Variants in PTPRG observed in about 807,000 individuals in gnomAD.
PTPRG encodes receptor-type tyrosine-protein phosphatase gamma.
PTPRG carries 102 observed loss-of-function variants against 165.3 expected under a neutral mutation model. The ratio of observed to expected loss-of-function variants is 0.62; its 90% CI spans 0.53 to 0.73. PTPRG has a LOEUF of 0.73. Ranked by LOEUF, PTPRG falls within the 30% of genes least tolerant of loss-of-function variation. PTPRG has a pLI of 0.00. For missense variants in PTPRG, 1,866 were observed against 1,861.4 expected, an observed-to-expected ratio of 1.00 and a Z score of -0.05; for synonymous variants, 675 against 669.5, an observed-to-expected ratio of 1.01 and a Z score of -0.13.
chr3:62,259,775 G>A (rs1409385289), intron 16 of PTPRG, among the ~76,000 whole-genome samples: 1 of 152,148 alleles, frequency 6.6e-6, no homozygotes, highest in Non-Finnish European at 1.5e-5. Context: ...CAGTCATTTT[G>A]ATAAAGATAC....
intron 13 of PTPRG, among the ~76,000 whole-genome samples, chr3:62,227,945 C>T (rs1216846429): frequency 5.9e-5 from 9 of 152,190 alleles, no homozygotes; most frequent in Non-Finnish European, 1.0e-4. Flanking sequence ...GCAATGTGTT[C>T]TCAGATTCCC....
chr3:61,717,103 A>G (rs961434810), intron 1 of PTPRG, among the ~76,000 whole-genome samples: 4 of 152,238 alleles, frequency 2.6e-5, no homozygotes, highest in African/African-American at 9.6e-5. Context: ...TAATTGTTAT[A>G]TAGCTGTTTC....
chr3:62,120,141 C>T (rs1703011434), intron 5 of PTPRG, among the ~76,000 whole-genome samples: 1 of 151,806 alleles, frequency 6.6e-6, no homozygotes, highest in South Asian at 2.1e-4. Context: ...CAGTGGGCAG[C>T]CAGGGTAAAA....
chr3:61,933,698 C>T (rs965087097), intron 2 of PTPRG, among the ~76,000 whole-genome samples: 32 of 152,174 alleles, frequency 2.1e-4, no homozygotes, highest in African/African-American at 7.0e-4. Flanking sequence ...TTCCACTGCT[C>T]TCTAGTCCCA....
intron 2 of PTPRG, among the ~76,000 whole-genome samples, chr3:61,973,226 G>A (rs1364158697): frequency 6.6e-6 from 1 of 152,158 alleles, no homozygotes; most frequent in African/African-American, 2.4e-5. Flanking sequence ...AGTTTTACCT[G>A]CAAGGAAAGG....
intron 1 of PTPRG, among the ~76,000 whole-genome samples, chr3:61,738,945 T>G (rs779390185): frequency 6.6e-6 from 1 of 150,666 alleles, no homozygotes; most frequent in Admixed American, 6.6e-5. Context: ...TTTTTATTTT[T>G]GTAGAGATGG....
intron 2 of PTPRG, among the ~76,000 whole-genome samples, chr3:61,911,828 A>G (rs1349484373): frequency 6.6e-6 from 1 of 152,216 alleles, no homozygotes. Flanking sequence ...CATTGCCAGC[A>G]GTGTGTACCT....
chr3:62,110,161 T>C (rs1702619479), intron 5 of PTPRG, among the ~76,000 whole-genome samples: 1 of 148,574 alleles, frequency 6.7e-6, no homozygotes, highest in South Asian at 2.1e-4. Context: ...CCATTTTTGG[T>C]AGTTACCTAT....
At chr3:62,064,857 C>T (rs749685368) in intron 4 of PTPRG, among the ~76,000 whole-genome samples, 16 of 151,190 alleles carry the variant, frequency 1.1e-4, no homozygotes, top group Non-Finnish European at 1.5e-4. Context: ...CTCGGCCTCC[C>T]GAGTAGCGTG....
intron 5 of PTPRG, among the ~76,000 whole-genome samples, chr3:62,119,420 G>A (rs1394671223): frequency 1.3e-5 from 2 of 152,168 alleles, no homozygotes; most frequent in African/African-American, 2.4e-5. Context: ...AGGAATGAGC[G>A]GCCTAATCAG....
At chr3:61,768,121 A>G (rs185260376) in intron 2 of PTPRG, among the ~76,000 whole-genome samples, 5 of 152,332 alleles carry the variant, frequency 3.3e-5, no homozygotes, top group African/African-American at 1.2e-4. Flanking sequence ...ACTAGTCATA[A>G]ATGCAGTTAC....
rs761765590 is a variant in PTPRG at position 62,262,868 on chromosome 3, A to C, written c.2630A>C (p.Lys877Thr). 1 of 1,613,356 alleles carries C rather than the reference A, an allele frequency of 6.2e-7. No homozygotes were observed. The highest frequency in any genetic ancestry group is 8.5e-7 in the Non-Finnish European group (1 of 1,179,294). ...TCCAATCATCCAGAAAACAAGCACAAAAACAGATACATCAACATTTTAGCA... is the reference window on the plus strand; with the variant it reads ...TCCAATCATCCAGAAAACAAGCACACAAACAGATACATCAACATTTTAGCA... ...EHSNHPENKH[K>T]NRYINILAYD... The change falls in exon 17 of 30, where the codon AAA becomes ACA. Residue 877 changes from lysine (K) to threonine (T), a missense_variant. Physicochemically the swap from Lys to Thr is moderately conservative, Grantham distance 78 (BLOSUM62 -1). Coordinates refer to ENST00000474889, the MANE Select transcript of PTPRG (RefSeq NM_002841.4).
rs77962510 is a variant in PTPRG, at chr3:62,079,114, C to T, written c.615+856C>T. ...AAAGACATAAGAGCCTTCTCCAACA[C>T]GTCTTTGACATCTGCCTTTTTGAGC... On this transcript the variant is annotated intron_variant, in intron 5 of 29. Coordinates refer to ENST00000474889, the MANE Select transcript of PTPRG (RefSeq NM_002841.4). Among the ~76,000 whole-genome samples, 3,679 of 152,350 alleles carry T rather than the reference C, an allele frequency of 0.024. 259 individuals carry two copies. The East Asian group carries it at 0.28, about 11-fold the overall frequency.
intron 5 of PTPRG, among the ~76,000 whole-genome samples, chr3:62,130,480 G>A (rs1226367781): frequency 6.6e-6 from 1 of 152,186 alleles, no homozygotes; most frequent in Non-Finnish European, 1.5e-5. Context: ...CAGGGATAGA[G>A]GGAATTTGTG....
intron 2 of PTPRG, among the ~76,000 whole-genome samples, chr3:61,900,399 G>A (rs1481939540): frequency 2.0e-5 from 3 of 152,114 alleles, no homozygotes; most frequent in Non-Finnish European, 2.9e-5. Flanking sequence ...TCAATGAAAG[G>A]CCTGCTCCTC....
intron 2 of PTPRG, among the ~76,000 whole-genome samples, chr3:61,827,678 G>T (rs2036151261): frequency 6.6e-6 from 1 of 151,808 alleles, no homozygotes. Flanking sequence ...TTCAAATACT[G>T]GGAAGGCCCA....
At chr3:61,643,810 T>C (rs963399226) in intron 1 of PTPRG, among the ~76,000 whole-genome samples, 3 of 152,044 alleles carry the variant, frequency 2.0e-5, no homozygotes, top group African/African-American at 7.2e-5. Context: ...TGAATGTATA[T>C]AGAGGACAGT....
intron 6 of PTPRG, among the ~76,000 whole-genome samples, chr3:62,138,714 C>CAAAAAAAAAAAA (rs563632840): frequency 1.4e-4 from 13 of 91,380 alleles, no homozygotes; most frequent in Non-Finnish European, 1.2e-4. Flanking sequence ...GGCAAAGCTC[C>CAAAAAAAAAAAA]AAAAAAAAAA....
At chr3:62,164,591 G>C (rs1046064106) in intron 7 of PTPRG, among the ~76,000 whole-genome samples, 1 of 152,272 alleles carries the variant, frequency 6.6e-6, no homozygotes, top group Middle Eastern at 3.4e-3. Flanking sequence ...CAGGTCATCA[G>C]TTCACTCCCA....
Sources: allele counts gnomAD v4.1 joint callset (sites outside exome capture counted in the v4.1 genomes callset), GRCh38; gene constraint gnomAD v4.1.1; transcripts MANE v1.5; gene names NCBI Gene and HGNC (gene_info 2026-07-23, HGNC 2026-07-21).